Variants in PARP6 observed in about 807,000 individuals in gnomAD.
The protein encoded by PARP6 is poly(ADP-ribose) polymerase family member 6, also known as protein mono-ADP-ribosyltransferase PARP6.
PARP6 carries 27 observed loss-of-function variants against 92.0 expected under a neutral mutation model. That is an observed-to-expected ratio of 0.29 (90% CI 0.22 to 0.40). PARP6 has a LOEUF of 0.40. Among genes scored for constraint, PARP6 ranks in the 10% least tolerant of loss-of-function variants. PARP6 has a pLI of 1.00. For missense variants in PARP6, 501 were observed against 784.5 expected, an observed-to-expected ratio of 0.64 and a Z score of 4.32; for synonymous variants, 272 against 281.2, an observed-to-expected ratio of 0.97 and a Z score of 0.33.
At position 72,256,519 on chromosome 15, in the gene PARP6, A is replaced by C. The variant is rs1345124601; in HGVS notation, c.1071T>G (p.Pro357=). Residue 357 remains proline, a synonymous_variant, in exon 14 of 24, where the codon CCT becomes CCG. Coordinates refer to ENST00000569795, the MANE Select transcript of PARP6 (RefSeq NM_001323532.2). The part of the protein sequence containing the change: ...ESPRKSIIFE[P]YPSVVDPTDP... ...CAGTGGGGTCCACCACAGAGGGATA[A>C]GGCTCAAAGATGATGCTCTTTCTAG... is the stretch of plus-strand genomic sequence containing the variant. 1 of 1,600,304 alleles carries C rather than the reference A, an allele frequency of 6.2e-7. No individual in the cohort carries two copies. The highest frequency in any genetic ancestry group is 1.7e-5 in the Admixed American group (1 of 57,568).
In PARP6 at chr15:72,264,612, A is replaced by G. The variant is rs1378070428; in HGVS notation, c.338T>C (p.Ile113Thr). ...CTTATTTGATGGCTGGAAAACCTCA[A>G]TGGATGGTTCTGCAAAGAGAAGAGA... ...SQYLDGPEPSIEVFQPSNKEG... is the reference protein window; with the variant it reads ...SQYLDGPEPSTEVFQPSNKEG... Residue 113 changes from isoleucine to threonine, a missense_variant, in exon 8 of 24, where the codon ATT becomes ACT. Physicochemically the swap from Ile to Thr is moderately conservative, Grantham distance 89 (BLOSUM62 -1). Around this residue, in one of 4 missense-constraint regions of PARP6, gnomAD observed 291 missense variants for 352.0 expected, o/e 0.83. Coordinates refer to ENST00000569795, the MANE Select transcript of PARP6 (RefSeq NM_001323532.2). The G allele has an allele frequency of 1.9e-6, 3 of 1,613,778 alleles. No homozygotes were observed. The South Asian group carries it at 3.3e-5, about 18-fold the overall frequency.
At position 72,265,482 on chromosome 15, in the gene PARP6, A is replaced by AT. The variant is rs1309877056; in HGVS notation, c.177-10dup. 2 of 1,607,974 alleles carry AT rather than the reference A, an allele frequency of 1.2e-6. No homozygotes were observed. Among genetic ancestry groups the AT allele is most frequent in the Admixed American group, 3.3e-5 (2 of 60,018 alleles). ...CGATAGTTCCATATTCTCTATAGAG[A>AT]TACAGGTGACAACAGGTGAGACTCA... On this transcript the variant is annotated splice_polypyrimidine_tract_variant and intron_variant, in intron 5 of 23. Transcript: ENST00000569795.
intron 15 of PARP6, chr15:72,254,166 T>C: frequency 2.1e-6 from 1 of 478,738 alleles, no homozygotes; most frequent in Non-Finnish European, 3.9e-6. Flanking sequence ...GGTCTTTCCT[T>C]CACTTCTTAA....
intron 16 of PARP6, among the ~76,000 whole-genome samples, chr15:72,251,993 C>T (rs2084422888): frequency 6.6e-6 from 1 of 152,120 alleles, no homozygotes; most frequent in South Asian, 2.1e-4. Flanking sequence ...ATTCCTCAGG[C>T]TAAGAGGGAG....
At position 72,241,841 on chromosome 15, in the gene PARP6, A is replaced by G. The variant is rs1274753114; in HGVS notation, c.1790+60T>C. The G allele has an allele frequency of 8.2e-7, 1 of 1,220,894 alleles. No individual in the cohort carries two copies. The highest frequency in any genetic ancestry group is 1.5e-5 in the African/African-American group (1 of 67,292). The allele number at this position is 1,220,894 out of a possible 1,614,324, so 75.6% of individuals were successfully genotyped here. A position where few individuals can be genotyped will look rare whatever the true frequency, so the allele number is the denominator to read the frequency against. On this transcript the variant is annotated intron_variant, in intron 23 of 23. Coordinates refer to ENST00000569795, the MANE Select transcript of PARP6 (RefSeq NM_001323532.2). This position sits in a 1 kb window ranked among gnomAD's most constrained non-coding sequence, Gnocchi z 4.1. ...GAAATAGACTTTTCCCAGTAGCCAC[A>G]CACCATCACACCCCCAACCTCACTC...
chr15:72,266,012 G>C, intron 4 of PARP6, 21 bp from the exon 5 acceptor site: 1 of 1,517,342 alleles, frequency 6.6e-7, no homozygotes, highest in Non-Finnish European at 9.2e-7. Flanking sequence ...AGCAAAAATG[G>C]TGGTGGAGAG....
In PARP6 at chr15:72,241,497, C is replaced by T. The variant is rs752731533; in HGVS notation, c.1851G>A (p.Lys617=). ...NINTQDPKIQ[K]EIMRVIGTQV... ...GAGTTCCGATCACACGCATGATTTC[C>T]TTCTGTATCTTGGGGTCCTGAGTAT... The change falls in exon 24 of 24, where the codon AAG becomes AAA. Residue 617 remains lysine, a synonymous_variant. Transcript: ENST00000569795. The surrounding 1 kb of genome is among the most constrained non-coding windows in gnomAD (Gnocchi z 4.1). 2 of 1,614,162 alleles carry T rather than the reference C, an allele frequency of 1.2e-6. No homozygotes were observed. Among genetic ancestry groups the T allele is most frequent in the South Asian group, 2.2e-5 (2 of 91,086 alleles).
At chr15:72,268,466 C>G (rs1427185781) in intron 2 of PARP6, among the ~76,000 whole-genome samples, 4 of 152,176 alleles carry the variant, frequency 2.6e-5, no homozygotes, top group Non-Finnish European at 5.9e-5. Flanking sequence ...AAAAAGTCCT[C>G]AACGGCCAGA....
intron 10 of PARP6, 95 bp from the exon 11 acceptor site, chr15:72,259,756 G>T: frequency 9.5e-7 from 1 of 1,055,050 alleles, no homozygotes; most frequent in Non-Finnish European, 1.4e-6. Flanking sequence ...CTCTCCTAAA[G>T]CAGCTAAACC....
intron 2 of PARP6, among the ~76,000 whole-genome samples, chr15:72,270,261 C>T (rs2087215097): frequency 6.9e-6 from 1 of 144,368 alleles, no homozygotes; most frequent in Admixed American, 7.1e-5. Context: ...ACTACCCTGG[C>T]ACACACATAA....
At chr15:72,262,785 T>C (rs1242610382) in intron 8 of PARP6, among the ~76,000 whole-genome samples, 1 of 152,214 alleles carries the variant, frequency 6.6e-6, no homozygotes, top group African/African-American at 2.4e-5. Flanking sequence ...CACCATTATC[T>C]TCCTATTCTA....
At position 72,265,519 on chromosome 15, in the gene PARP6, A is replaced by G. The variant is rs776708471; in HGVS notation, c.177-46T>C. ...ACAGGTGAGACTCATTAAGGGAGAAAGAAGGGAATAGAAACTGAGTTGGAA... is the reference window on the plus strand; with the variant it reads ...ACAGGTGAGACTCATTAAGGGAGAAGGAAGGGAATAGAAACTGAGTTGGAA... On this transcript the variant is annotated intron_variant, in intron 5 of 23. Coordinates refer to ENST00000569795, the MANE Select transcript of PARP6 (RefSeq NM_001323532.2). 3 of 1,400,404 alleles carry G rather than the reference A, an allele frequency of 2.1e-6. No homozygotes were observed. In the South Asian group the frequency reaches 3.5e-5, roughly 16 times the overall value. 86.7% of individuals were successfully genotyped at this position (1,400,404 alleles called of 1,614,324 possible).
In PARP6 at chr15:72,241,535, C is replaced by T. The variant is rs1567150212; in HGVS notation, c.1813G>A (p.Asp605Asn). The T allele has an allele frequency of 6.2e-7, 1 of 1,613,592 alleles. No homozygotes were observed. The highest frequency in any genetic ancestry group is 1.1e-5 in the South Asian group (1 of 91,068). Residue 605 changes from aspartate to asparagine, a missense_variant, in exon 24 of 24, where the codon GAT becomes AAT. By Grantham distance (23) the Asp-to-Asn change is conservative. Around this residue, in one of 4 missense-constraint regions of PARP6, gnomAD observed 191 missense variants for 399.1 expected, o/e 0.48. Coordinates refer to ENST00000569795, the MANE Select transcript of PARP6 (RefSeq NM_001323532.2). This position sits in a 1 kb window ranked among gnomAD's most constrained non-coding sequence, Gnocchi z 4.1. The stretch of plus-strand genomic sequence containing the variant: ...GGGTCCTGAGTATTAATGTTGGCAT[C>T]GCCCACCTGACCATCCTCATATCTG... ...FFVYEDGQVG[D>N]ANINTQDPKI...
chr15:72,269,708 T>C (rs1382088528), intron 2 of PARP6, among the ~76,000 whole-genome samples: 1 of 151,796 alleles, frequency 6.6e-6, no homozygotes, highest in East Asian at 2.0e-4. Flanking sequence ...GAGACCAGCA[T>C]GGCCAACATG....
chr15:72,250,174 CT>C (rs1271955988), intron 18 of PARP6, 82 bp from the exon 19 acceptor site: 1 of 840,274 alleles, frequency 1.2e-6, no homozygotes, highest in Non-Finnish European at 2.1e-6. Context: ...CCCACCCATT[CT>C]CACCCACACA....
chr15:72,252,947 A>G (rs1254520152), intron 16 of PARP6, among the ~76,000 whole-genome samples: 2 of 152,164 alleles, frequency 1.3e-5, no homozygotes, highest in East Asian at 3.9e-4. Context: ...TTGGGAAGCC[A>G]ATCAGGAGGA....
rs16956619 is a variant in PARP6 at position 72,241,397 on chromosome 15, T to G, written c.*58A>C. On this transcript the variant is annotated 3_prime_UTR_variant, in exon 24 of 24. Coordinates refer to ENST00000569795, the MANE Select transcript of PARP6 (RefSeq NM_001323532.2). This position sits in a 1 kb window ranked among gnomAD's most constrained non-coding sequence, Gnocchi z 4.1. ...AGCCTCAGCTGCTGTACCTGAACAC[T>G]TTTATGAGGGCAGATGGATCCTGGG... 3.3e-3 allele frequency: 4,113 copies of G among 1,250,458 alleles called. 103 individuals carry two copies. The African/African-American group carries it at 0.053, about 16-fold the overall frequency. The allele number at this position is 1,250,458 out of a possible 1,614,324, so 77.5% of individuals were successfully genotyped here.
chr15:72,251,295 T>C, intron 16 of PARP6, 40 bp from the exon 17 acceptor site: 2 of 1,335,242 alleles, frequency 1.5e-6, no homozygotes, highest in Non-Finnish European at 1.1e-6. Context: ...ATAGAATAAT[T>C]ATGTATTTAA....
intron 7 of PARP6, 131 bp from the exon 8 acceptor site, chr15:72,264,752 GAA>G (rs1439517652): frequency 5.9e-6 from 4 of 676,964 alleles, no homozygotes; most frequent in South Asian, 5.8e-5. Context: ...AACGGTGGAA[GAA>G]AAAAAACATC....
Sources: allele counts gnomAD v4.1 joint callset (sites outside exome capture counted in the v4.1 genomes callset), GRCh38; gene constraint gnomAD v4.1.1; regional missense constraint gnomAD v4.1.1; non-coding constraint Gnocchi (gnomAD v3.1); transcripts MANE v1.5; gene names NCBI Gene and HGNC (gene_info 2026-07-23, HGNC 2026-07-21).